HS6ST1: variants seen among roughly 807,000 people sequenced by gnomAD.
The protein encoded by HS6ST1 is heparan sulfate 6-O-sulfotransferase 1, also known as heparan-sulfate 6-O-sulfotransferase 1.
In HS6ST1, 3 loss-of-function variants were observed where a neutral mutation model predicts 25.2. That is an observed-to-expected ratio of 0.12 (90% CI 0.05 to 0.31). The LOEUF is 0.31. Ranked by LOEUF, HS6ST1 falls within the 10% of genes least tolerant of loss-of-function variation. HS6ST1 has a pLI of 1.00. For synonymous variants in HS6ST1, 204 were observed against 275.1 expected, an observed-to-expected ratio of 0.74 and a Z score of 2.56; for missense variants, 310 against 609.6, an observed-to-expected ratio of 0.51 and a Z score of 5.18.
rs1193118099 is a variant in HS6ST1, at chr2:128,268,445, T to C, written c.953A>G (p.Gln318Arg). ...GCCGCCCGCCCGCGTGCTATTGTACTGCATGAAGGGCCGGATGAACTTGAG... is the reference window on the plus strand; with the variant it reads ...GCCGCCCGCCCGCGTGCTATTGTACCGCATGAAGGGCCGGATGAACTTGAG... ...FNLKFIRPFM[Q>R]YNSTRAGGVE... is the part of the protein sequence containing the mutation. The change falls in exon 2 of 2, where the codon CAG becomes CGG. Residue 318 changes from glutamine (Q) to arginine (R), a missense_variant. Around this residue, in one of 5 missense-constraint regions of HS6ST1, gnomAD observed 140 missense variants for 176.5 expected, o/e 0.79. Transcript: ENST00000259241. 5.0e-6 allele frequency: 8 copies of C among 1,613,560 alleles called. No individual in the cohort carries two copies. Among genetic ancestry groups the C allele is most frequent in the Non-Finnish European group, 5.9e-6 (7 of 1,179,826 alleles).
At chr2:128,300,902 G>A (rs191382034) in intron 1 of HS6ST1, among the ~76,000 whole-genome samples, 217 of 152,378 alleles carry the variant, frequency 1.4e-3, no homozygotes, top group African/African-American at 4.8e-3. Context: ...AGCCGCCACC[G>A]TGTGCTGTGT....
chr2:128,303,355 A>G (rs568717644), intron 1 of HS6ST1, among the ~76,000 whole-genome samples: 2 of 152,346 alleles, frequency 1.3e-5, no homozygotes, highest in East Asian at 3.9e-4. Flanking sequence ...CACAACACCC[A>G]TGGGGCCACC....
chr2:128,287,959 C>T (rs1480600513), intron 1 of HS6ST1, among the ~76,000 whole-genome samples: 1 of 152,236 alleles, frequency 6.6e-6, no homozygotes, highest in East Asian at 1.9e-4. Context: ...CTTCTGACAC[C>T]GGCAGGCGAG....
In HS6ST1 at chr2:128,318,593, G is replaced by C. The variant is rs1047278629; in HGVS notation, c.-30C>G. 1.1e-5 allele frequency: 15 copies of C among 1,318,314 alleles called. No individual in the cohort carries two copies. The African/African-American group carries it at 2.4e-4, about 21-fold the overall frequency. The allele number at this position is 1,318,314 out of a possible 1,614,324, so 81.7% of individuals were successfully genotyped here. A position where few individuals can be genotyped will look rare whatever the true frequency, so the allele number is the denominator to read the frequency against. On this transcript the variant is annotated 5_prime_UTR_variant, in exon 1 of 2. Transcript: ENST00000259241. This position sits in a 1 kb window ranked among gnomAD's most constrained non-coding sequence, Gnocchi z 5.7. ...CACCATCGCCGGGGCCCGGGCGCGGGGCGCGGGGCCTGGGAGGGCAGGAGG... is the reference window on the plus strand; with the variant it reads ...CACCATCGCCGGGGCCCGGGCGCGGCGCGCGGGGCCTGGGAGGGCAGGAGG...
At chr2:128,269,037 G>A (rs1693570908) in intron 1 of HS6ST1, among the ~76,000 whole-genome samples, 167 bp from the exon 2 acceptor site, 1 of 152,238 alleles carries the variant, frequency 6.6e-6, no homozygotes, top group Non-Finnish European at 1.5e-5. Context: ...TATCAGAGAT[G>A]CCAAGGAGCA....
At chr2:128,278,087 G>A (rs1320344362) in intron 1 of HS6ST1, among the ~76,000 whole-genome samples, 8 of 152,250 alleles carry the variant, frequency 5.3e-5, no homozygotes, top group Admixed American at 6.5e-5. Context: ...CAGCACCCCA[G>A]GGAAAATCCT....
intron 1 of HS6ST1, 85 bp downstream of exon 1, chr2:128,317,952 A>C: frequency 7.5e-7 from 1 of 1,335,832 alleles, no homozygotes; most frequent in Middle Eastern, 2.8e-4. Context: ...TAGGGAAGGC[A>C]GGGCCGACCC....
intron 1 of HS6ST1, among the ~76,000 whole-genome samples, chr2:128,284,539 T>C (rs1461038701): frequency 7.9e-6 from 1 of 126,674 alleles, no homozygotes; most frequent in East Asian, 2.6e-4. Flanking sequence ...TCTTGCTTTG[T>C]CGCCCAGGCT....
intron 1 of HS6ST1, among the ~76,000 whole-genome samples, chr2:128,269,568 C>T (rs1468163841): frequency 1.3e-5 from 2 of 152,246 alleles, no homozygotes; most frequent in African/African-American, 2.4e-5. Context: ...CGCTATGACG[C>T]TGGGCTGGAG....
At chr2:128,287,556 G>A (rs865882436) in intron 1 of HS6ST1, among the ~76,000 whole-genome samples, 1 of 152,188 alleles carries the variant, frequency 6.6e-6, no homozygotes, top group Non-Finnish European at 1.5e-5. Flanking sequence ...CCCAGGGTAG[G>A]GGCCACAAGA....
intron 1 of HS6ST1, among the ~76,000 whole-genome samples, chr2:128,288,666 C>G (rs1225793795): frequency 6.6e-6 from 1 of 152,008 alleles, no homozygotes; most frequent in Admixed American, 6.5e-5. Flanking sequence ...TTTATATAAC[C>G]ATGCATGTAT....
chr2:128,291,691 G>A (rs914022761), intron 1 of HS6ST1, among the ~76,000 whole-genome samples: 15 of 152,214 alleles, frequency 9.9e-5, no homozygotes, highest in African/African-American at 1.4e-4. Flanking sequence ...TCTCCAGCCT[G>A]GGGCTCTTGT....
chr2:128,302,953 C>T (rs1694155764), intron 1 of HS6ST1, among the ~76,000 whole-genome samples: 1 of 152,240 alleles, frequency 6.6e-6, no homozygotes, highest in African/African-American at 2.4e-5. Flanking sequence ...CTCACGGCAT[C>T]TTCTGCCTGC....
intron 1 of HS6ST1, among the ~76,000 whole-genome samples, chr2:128,284,934 C>A (rs1340337625): frequency 4.6e-5 from 7 of 152,206 alleles, no homozygotes; most frequent in Non-Finnish European, 8.8e-5. Flanking sequence ...CTCAGTTTTT[C>A]TGGACCTGCC....
At chr2:128,276,445 A>T (rs907508527) in intron 1 of HS6ST1, among the ~76,000 whole-genome samples, 3 of 151,988 alleles carry the variant, frequency 2.0e-5, no homozygotes, top group African/African-American at 7.3e-5. Flanking sequence ...CTGTTTTTTT[A>T]AAAAAGTGAT....
chr2:128,277,239 C>T (rs1055886238), intron 1 of HS6ST1, among the ~76,000 whole-genome samples: 6 of 152,168 alleles, frequency 3.9e-5, no homozygotes, highest in Admixed American at 2.0e-4. Flanking sequence ...GAGGTTCTTT[C>T]AGGGTGGCAA....
intron 1 of HS6ST1, among the ~76,000 whole-genome samples, chr2:128,297,323 A>G (rs571633465): frequency 1.2e-4 from 18 of 152,356 alleles, no homozygotes; most frequent in African/African-American, 3.8e-4. Flanking sequence ...GGATTTCCAC[A>G]TGTAAAAGAA....
At chr2:128,311,560 C>G (rs1044679960) in intron 1 of HS6ST1, among the ~76,000 whole-genome samples, 5 of 152,220 alleles carry the variant, frequency 3.3e-5, no homozygotes, top group Middle Eastern at 3.2e-3. Flanking sequence ...CCTGCTGCCT[C>G]CGTGATGCTT....
chr2:128,276,307 C>T (rs1300063371), intron 1 of HS6ST1, among the ~76,000 whole-genome samples: 3 of 152,018 alleles, frequency 2.0e-5, no homozygotes, highest in Admixed American at 6.6e-5. Context: ...CTAATTTTTT[C>T]GTATTTTTAG....
Sources: allele counts gnomAD v4.1 joint callset (sites outside exome capture counted in the v4.1 genomes callset), GRCh38; gene constraint gnomAD v4.1.1; regional missense constraint gnomAD v4.1.1; non-coding constraint Gnocchi (gnomAD v3.1); transcripts MANE v1.5; gene names NCBI Gene and HGNC (gene_info 2026-07-23, HGNC 2026-07-21).